Variants in FDFT1 observed in about 807,000 individuals in gnomAD.
FDFT1 encodes the protein squalene synthase.
A neutral mutation model predicts 46.8 loss-of-function variants in FDFT1; 68 were observed. The ratio of observed to expected loss-of-function variants is 1.45; its 90% CI spans 1.19 to 1.78. The LOEUF (loss-of-function observed/expected upper bound fraction) is 1.78, where lower values mean the gene tolerates loss of function less well. Ranked by LOEUF, FDFT1 falls within the 40% of genes most tolerant of loss-of-function variation. The pLI, the probability that FDFT1 is intolerant of heterozygous loss-of-function variation, is 0.00. For missense variants in FDFT1, 928 were observed against 524.4 expected (o/e 1.77, Z -7.52); for synonymous variants, 351 against 185.1 (o/e 1.90, Z -7.28).
intron 3 of FDFT1, among the ~76,000 whole-genome samples, chr8:11,820,471 G>T (rs115541408): frequency 0.012 from 1,651 of 141,352 alleles, 29 homozygotes; most frequent in African/African-American, 0.039. Context: ...ATCTAGAGAG[G>T]CAGTAGGCCT....
chr8:11,801,537 C>G (rs1290690712), upstream of FDFT1, among the ~76,000 whole-genome samples: 2 of 152,160 alleles, frequency 1.3e-5, no homozygotes, highest in Non-Finnish European at 2.9e-5. Flanking sequence ...CCAGGCTGGT[C>G]TTGAACTCCA....
At chr8:11,832,758 G>A (rs893050326) in intron 7 of FDFT1, among the ~76,000 whole-genome samples, 4 of 151,952 alleles carry the variant, frequency 2.6e-5, no homozygotes, top group Non-Finnish European at 5.9e-5. Flanking sequence ...TAGAGGCCCA[G>A]GATGATGCTG....
upstream of FDFT1, chr8:11,802,582 G>A (rs1806256695): frequency 7.3e-5 from 46 of 626,380 alleles, no homozygotes; most frequent in South Asian, 7.1e-4. Context: ...TGATTGGCCG[G>A]GGTCTTCCTA....
In FDFT1 at chr8:11,838,893, A is replaced by T. The variant is rs1395687415; in HGVS notation, c.*284A>T. 4.7e-6 allele frequency: 2 copies of T among 426,156 alleles called. No individual in the cohort carries two copies. Among genetic ancestry groups the T allele is most frequent in the Non-Finnish European group, 8.6e-6 (2 of 233,846 alleles). The allele number at this position is 426,156 out of a possible 1,614,324, so 26.4% of individuals were successfully genotyped here. A position where few individuals can be genotyped will look rare whatever the true frequency, so the allele number is the denominator to read the frequency against. ...CACGGTTTAGGTGAAGTCGCTGCAT[A>T]TGTGACTGTCATGAGATCCTACTTA... On this transcript the variant is annotated 3_prime_UTR_variant, in exon 8 of 8. Transcript: ENST00000220584.
chr8:11,804,929 G>GA (rs937560613), intron 1 of FDFT1, among the ~76,000 whole-genome samples: 6 of 146,364 alleles, frequency 4.1e-5, no homozygotes, highest in African/African-American at 5.1e-5. Context: ...TTTTTTTGAG[G>GA]GGGGGGTCTC....
intron 5 of FDFT1, among the ~76,000 whole-genome samples, chr8:11,828,146 G>C (rs957611505): frequency 1.3e-5 from 2 of 152,102 alleles, no homozygotes; most frequent in Non-Finnish European, 2.9e-5. Flanking sequence ...AAATTAGCTG[G>C]GTATAGTGGC....
chr8:11,801,045 G>A (rs1160449980), upstream of FDFT1, among the ~76,000 whole-genome samples: 2 of 152,208 alleles, frequency 1.3e-5, no homozygotes, highest in African/African-American at 4.8e-5. Context: ...ATTAGCAGTG[G>A]TGGAAATGTG....
At chr8:11,835,657 G>T (rs1404242869) in intron 7 of FDFT1, among the ~76,000 whole-genome samples, 1 of 152,090 alleles carries the variant, frequency 6.6e-6, no homozygotes, top group Non-Finnish European at 1.5e-5. Flanking sequence ...ATGGCTTATG[G>T]TTATAAGTAC....
chr8:11,835,049 G>A (rs1282793577), intron 7 of FDFT1, among the ~76,000 whole-genome samples: 5 of 152,166 alleles, frequency 3.3e-5, no homozygotes, highest in African/African-American at 7.2e-5. Context: ...GCTTGAACTC[G>A]GGAGGTGGAG....
chr8:11,810,917 T>G (rs1399038130), intron 3 of FDFT1, among the ~76,000 whole-genome samples: 1 of 88,046 alleles, frequency 1.1e-5, no homozygotes, highest in Admixed American at 1.6e-4. Flanking sequence ...TTCTTGGGCA[T>G]AATGGGAGCA....
chr8:11,819,574 C>A (rs535577879), intron 3 of FDFT1, among the ~76,000 whole-genome samples: 1 of 152,054 alleles, frequency 6.6e-6, no homozygotes, highest in African/African-American at 2.4e-5. Flanking sequence ...ATCTTGTCTT[C>A]TTGCTTTATT....
At chr8:11,821,063 ATACTTGT>A (rs1239918942) in intron 3 of FDFT1, among the ~76,000 whole-genome samples, 2 of 152,200 alleles carry the variant, frequency 1.3e-5, no homozygotes, top group Non-Finnish European at 2.9e-5. Flanking sequence ...GCCTAGAATG[ATACTTGT>A]TACATAGGAA....
At chr8:11,808,203 G>A (rs1585873233) in intron 1 of FDFT1, 4 of 1,090,868 alleles carry the variant, frequency 3.7e-6, no homozygotes, top group East Asian at 8.7e-5. Flanking sequence ...GCCTTATTGG[G>A]AAGAGGATTT....
chr8:11,796,955 G>A (rs924401189), intron 1 of FDFT1, among the ~76,000 whole-genome samples: 4 of 152,346 alleles, frequency 2.6e-5, no homozygotes, highest in African/African-American at 7.2e-5. Context: ...AGCAGCTCAG[G>A]GCAGTTGTGC....
chr8:11,821,475 C>T (rs889922254), intron 3 of FDFT1, among the ~76,000 whole-genome samples: 1 of 152,152 alleles, frequency 6.6e-6, no homozygotes, highest in Admixed American at 6.5e-5. Flanking sequence ...CCTGTAATGC[C>T]AGCTCCTGGA....
intron 3 of FDFT1, among the ~76,000 whole-genome samples, chr8:11,820,015 T>C (rs2409834): frequency 0.13 from 20,329 of 152,200 alleles, 1,461 homozygotes; most frequent in Middle Eastern, 0.16. Context: ...TTTGGTGACG[T>C]ACAGATGGGT....
Position 11,831,686 on chromosome 8 carries a change from A to T in FDFT1, c.1032+16A>T, listed in dbSNP as rs377413679. 6.2e-7 allele frequency: 1 copy of T among 1,600,152 alleles called. No individual in the cohort carries two copies. The highest frequency in any genetic ancestry group is 2.2e-5 in the East Asian group (1 of 44,710). ...TATGGAAGAGGTGGGTTTTTATTTA[A>T]CTACTTGGATAATTTGTAGCTACTT... On this transcript the variant is annotated intron_variant, in intron 7 of 7. Transcript: ENST00000220584.
chr8:11,818,238 A>G (rs958415738), intron 3 of FDFT1, among the ~76,000 whole-genome samples: 2 of 152,074 alleles, frequency 1.3e-5, no homozygotes, highest in African/African-American at 4.8e-5. Context: ...GTTTGTTGTA[A>G]TTTCTGTTCT....
rs771162874 is a variant in FDFT1, at chr8:11,821,814, G to T, written c.446G>T (p.Arg149Ile). ...ACAGTGATTGCCGACATTTGCCGGA[G>T]AATGGGCATTGGGATGGCAGAGTTT... ...YQTVIADICR[R>I]MGIGMAEFLD... Residue 149 changes from arginine (R) to isoleucine (I), a missense_variant, in exon 4 of 8, where the codon AGA becomes ATA. Coordinates refer to ENST00000220584, the MANE Select transcript of FDFT1 (RefSeq NM_004462.5). 1 of 1,613,830 alleles carries T rather than the reference G, an allele frequency of 6.2e-7. No homozygotes were observed. The highest frequency in any genetic ancestry group is 1.1e-5 in the South Asian group (1 of 91,082).
Sources: allele counts gnomAD v4.1 joint callset (sites outside exome capture counted in the v4.1 genomes callset), GRCh38; gene constraint gnomAD v4.1.1; transcripts MANE v1.5; gene names NCBI Gene and HGNC (gene_info 2026-07-23, HGNC 2026-07-21).